Variants in RTN4 observed in about 807,000 individuals in gnomAD.
RTN4 encodes reticulon-4.
Under a neutral mutation model 90.4 loss-of-function variants are expected in RTN4, and 32 were observed. The observed-to-expected ratio is 0.35, with a 90% confidence interval of 0.27 to 0.48. The LOEUF is 0.48. RTN4 is among the 20% of genes least tolerant of loss of function. The probability of loss-of-function intolerance (pLI) is 0.99; values close to 1 mark genes in which losing one functional copy is unlikely to be tolerated. For missense variants in RTN4, 1,706 were observed against 1,430.2 expected, an observed-to-expected ratio of 1.19 and a Z score of -3.11; for synonymous variants, 629 against 552.5, an observed-to-expected ratio of 1.14 and a Z score of -1.94.
chr2:55,121,401 A>C, the RTN4 span, among the ~76,000 whole-genome samples: 1 of 152,266 alleles, frequency 6.6e-6, no homozygotes, highest in African/African-American at 2.4e-5. Flanking sequence ...GATACTGTGA[A>C]GTTTGGGATT....
In RTN4 at chr2:55,059,349, T is replaced by C. The variant is rs974919079; in HGVS notation, c.-63+21140A>G. Among the ~76,000 whole-genome samples, 5 of 151,832 alleles carry C rather than the reference T, an allele frequency of 3.3e-5. 1 individual carries two copies. The highest frequency in any genetic ancestry group is 3.3e-4 in the Admixed American group (5 of 15,232). On this transcript the variant is annotated intron_variant, in intron 2 of 3. Coordinates refer to the RTN4 transcript ENST00000427710. ...ATATACTTAATACATATAGTAGAAA[T>C]TTAATTAATACTTTTTTTATTTTTG...
At chr2:54,979,998 C>T (rs1022483423) in intron 5 of RTN4, among the ~76,000 whole-genome samples, 2 of 152,056 alleles carry the variant, frequency 1.3e-5, no homozygotes, top group African/African-American at 4.8e-5. Context: ...AATGAAAGTC[C>T]TTTTTTTCAA....
At chr2:55,072,320 C>G (rs750391642) in intron 2 of RTN4, among the ~76,000 whole-genome samples, 10 of 152,144 alleles carry the variant, frequency 6.6e-5, no homozygotes, top group Non-Finnish European at 1.3e-4. Flanking sequence ...AGCTCCACCT[C>G]CCGTGTTCAC....
chr2:55,050,136 C>T lies in RTN4; in HGVS notation c.165G>A (p.Leu55=). 6.5e-7 allele frequency: 1 copy of T among 1,543,214 alleles called. No homozygotes were observed. Among genetic ancestry groups the T allele is most frequent in the Non-Finnish European group, 8.7e-7 (1 of 1,152,826 alleles). ...ACAGCCCGGCGGCGGGCTTCCTCTC[C>T]AGCACCTCCAGCTCCTCCAGGTCTT... is the stretch of plus-strand genomic sequence containing the variant. The part of the protein sequence containing the change: ...EDEDLEELEV[L]ERKPAAGLSA... The change falls in exon 1 of 9, where the codon CTG becomes CTA. Residue 55 remains leucine (L), a synonymous_variant. Coordinates refer to ENST00000337526, the MANE Select transcript of RTN4 (RefSeq NM_020532.5). This position sits in a 1 kb window ranked among gnomAD's most constrained non-coding sequence, Gnocchi z 4.6.
rs1677131156 is a variant in RTN4, at chr2:54,972,460, C to CAGAT, written c.*692_*695dup. The stretch of plus-strand genomic sequence containing the variant: ...TGTGTGTGGCATTTCATGTTGAAAA[C>CAGAT]AGATGGTAGTGCTCCTAGAAATATT... On this transcript the variant is annotated 3_prime_UTR_variant, in exon 9 of 9. Transcript: ENST00000337526. 1 of 152,588 alleles carries CAGAT rather than the reference C, an allele frequency of 6.6e-6. No individual in the cohort carries two copies. The highest frequency in any genetic ancestry group is 1.5e-5 in the Non-Finnish European group (1 of 68,030). 9.5% of individuals were successfully genotyped at this position (152,588 alleles called of 1,614,324 possible).
chr2:55,116,893 A>C (rs1403601216), upstream of RTN4, among the ~76,000 whole-genome samples: 1 of 45,748 alleles, frequency 2.2e-5, no homozygotes, highest in Non-Finnish European at 4.6e-5. Flanking sequence ...TTTTTTTTTG[A>C]GATGGAGTCT....
chr2:55,130,100 C>T, the RTN4 span, among the ~76,000 whole-genome samples: 1 of 152,134 alleles, frequency 6.6e-6, no homozygotes, highest in Non-Finnish European at 1.5e-5. Context: ...TGAAAACAAC[C>T]TGAATGTCCT....
At chr2:55,049,049 C>T (rs1001282753) in intron 1 of RTN4, 2 of 962,852 alleles carry the variant, frequency 2.1e-6, no homozygotes, top group East Asian at 2.3e-4. Flanking sequence ...ACATCACACC[C>T]CGGGGAGCTG....
chr2:55,116,875 C>CTTT (rs67265925), upstream of RTN4, among the ~76,000 whole-genome samples: 42 of 126,716 alleles, frequency 3.3e-4, no homozygotes, highest in Admixed American at 6.2e-4. Flanking sequence ...TCTTTTTTTC[C>CTTT]TTTTTTTTTT....
At chr2:54,974,398 G>C (rs1231287287) in intron 6 of RTN4, among the ~76,000 whole-genome samples, 1 of 152,220 alleles carries the variant, frequency 6.6e-6, no homozygotes, top group East Asian at 1.9e-4. Context: ...TCCTGCCTCA[G>C]CCTCCGGAGT....
At chr2:55,106,818 T>C (rs1015782474) in intron 1 of RTN4, among the ~76,000 whole-genome samples, 3 of 152,156 alleles carry the variant, frequency 2.0e-5, no homozygotes, top group Admixed American at 6.5e-5. Context: ...CCATGCCCCG[T>C]CTTATTGAAC....
At chr2:55,024,960 A>T in intron 3 of RTN4, 126 bp downstream of exon 3, 4 of 1,180,312 alleles carry the variant, frequency 3.4e-6, no homozygotes, top group Non-Finnish European at 4.7e-6. Flanking sequence ...GAAAAAGTGG[A>T]GAAGACTTCT....
intron 5 of RTN4, among the ~76,000 whole-genome samples, chr2:54,976,746 G>C (rs929978683): frequency 6.6e-6 from 1 of 152,194 alleles, no homozygotes; most frequent in Non-Finnish European, 1.5e-5. Flanking sequence ...TGATGGATTT[G>C]TAACATGGCA....
chr2:55,012,823 G>A (rs188895977), intron 3 of RTN4, among the ~76,000 whole-genome samples: 78 of 152,218 alleles, frequency 5.1e-4, no homozygotes, highest in Middle Eastern at 3.4e-3. Context: ...TGTCGTTGCT[G>A]TATAGTTCTA....
chr2:54,975,714 TCTGA>T (rs1281245571), intron 5 of RTN4, among the ~76,000 whole-genome samples: 4 of 152,230 alleles, frequency 2.6e-5, no homozygotes, highest in Admixed American at 6.5e-5. Context: ...TTAAACGAAC[TCTGA>T]CTGAATGCTT....
At chr2:55,065,828 T>C (rs1001176780) in intron 2 of RTN4, among the ~76,000 whole-genome samples, 1 of 152,186 alleles carries the variant, frequency 6.6e-6, no homozygotes, top group African/African-American at 2.4e-5. Flanking sequence ...GGAAGTATTA[T>C]TGACTGAGAC....
chr2:55,074,225 T>C (rs1297571001), intron 2 of RTN4, among the ~76,000 whole-genome samples: 1 of 152,120 alleles, frequency 6.6e-6, no homozygotes. Context: ...ACACTGGCCA[T>C]GCACAGTGGC....
rs139053755 is a variant in RTN4 at position 55,070,651 on chromosome 2, G to A, written c.-63+9838C>T. ...GGGAAGAGGGATGAGATTAGGGGTG[G>A]GGAGCAAAATTGACTTTGGTTAAAA... On this transcript the variant is annotated intron_variant, in intron 2 of 3. Transcript: ENST00000427710. Among the ~76,000 whole-genome samples the A allele has an allele frequency of 2.8e-3, 424 of 152,014 alleles. 1 individual carries two copies. The highest frequency in any genetic ancestry group is 9.6e-3 in the African/African-American group (398 of 41,466).
chr2:55,057,773 C>T (rs1029390033), intron 2 of RTN4, among the ~76,000 whole-genome samples: 2 of 152,030 alleles, frequency 1.3e-5, no homozygotes, highest in African/African-American at 4.8e-5. Flanking sequence ...TGCTTGAGGC[C>T]AGTAGTTTGA....
Sources: gnomAD v4.1 joint callset for allele counts (sites outside exome capture counted in the v4.1 genomes callset) on GRCh38, gnomAD v4.1.1 for gene constraint, Gnocchi (gnomAD v3.1) non-coding constraint, MANE v1.5 for transcripts, NCBI Gene and HGNC (gene_info 2026-07-23, HGNC 2026-07-21) for gene names.